The following PPP2R2C variants were observed in gnomAD, a reference collection of about 807,000 sequenced individuals.
PPP2R2C encodes protein phosphatase 2 regulatory subunit Bgamma, also known as protein phosphatase 2, regulatory subunit B, gamma.
Under a neutral mutation model 45.3 loss-of-function variants are expected in PPP2R2C, and 10 were observed. That is an observed-to-expected ratio of 0.22 (90% CI 0.14 to 0.37). The LOEUF is 0.37. Among genes scored for constraint, PPP2R2C ranks in the 10% least tolerant of loss-of-function variants. The probability of loss-of-function intolerance (pLI) is 1.00; values close to 1 mark genes in which losing one functional copy is unlikely to be tolerated. For synonymous variants in PPP2R2C, 257 were observed against 245.4 expected, an observed-to-expected ratio of 1.05 and a Z score of -0.44; for missense variants, 308 against 619.7, an observed-to-expected ratio of 0.50 and a Z score of 5.34.
chr4:6,463,102 A>G (rs1721413987), intron 1 of PPP2R2C, among the ~76,000 whole-genome samples: 1 of 152,248 alleles, frequency 6.6e-6, no homozygotes, highest in Non-Finnish European at 1.5e-5. Context: ...TTGTAAAAAA[A>G]CATTCAGAAG....
chr4:6,534,318 TC>T (rs1214083666), intron 2 of PPP2R2C, among the ~76,000 whole-genome samples: 1 of 125,068 alleles, frequency 8.0e-6, no homozygotes, highest in Non-Finnish European at 1.6e-5. Context: ...CATACACACA[TC>T]AAAAAACACA....
exon 2 of PPP2R2C, chr4:6,535,330 G>C: frequency 6.5e-7 from 1 of 1,535,222 alleles, no homozygotes; most frequent in Non-Finnish European, 8.7e-7. Flanking sequence ...CCTGAGAGAG[G>C]TGACTAACAC....
chr4:6,491,839 G>C (rs991094605), intron 2 of PPP2R2C, among the ~76,000 whole-genome samples: 1 of 152,134 alleles, frequency 6.6e-6, no homozygotes, highest in South Asian at 2.1e-4. Flanking sequence ...AGCTTCCTGA[G>C]GGAAGCTTAC....
At chr4:6,432,534 A>G (rs753501159) in intron 1 of PPP2R2C, among the ~76,000 whole-genome samples, 4 of 152,116 alleles carry the variant, frequency 2.6e-5, no homozygotes, top group Non-Finnish European at 5.9e-5. Flanking sequence ...TCATCTCCCA[A>G]ATCCCAAAGG....
At chr4:6,497,965 G>A (rs1272310243) in intron 2 of PPP2R2C, among the ~76,000 whole-genome samples, 3 of 152,258 alleles carry the variant, frequency 2.0e-5, no homozygotes, top group Non-Finnish European at 4.4e-5. Context: ...GCCTGCGAAT[G>A]TGGAGAGCTG....
At chr4:6,397,585 G>A (rs1294531858) in intron 1 of PPP2R2C, among the ~76,000 whole-genome samples, 1 of 152,196 alleles carries the variant, frequency 6.6e-6, no homozygotes, top group Non-Finnish European at 1.5e-5. Context: ...GGCTAGGGGT[G>A]TGTACCAGGA....
chr4:6,374,897 A>G (rs1715173676), intron 4 of PPP2R2C, among the ~76,000 whole-genome samples: 1 of 152,182 alleles, frequency 6.6e-6, no homozygotes, highest in Non-Finnish European at 1.5e-5. Context: ...AATCGGAAGC[A>G]AACAAGGTGA....
At chr4:6,522,431 C>T (rs150349714) in intron 2 of PPP2R2C, among the ~76,000 whole-genome samples, 3 of 152,244 alleles carry the variant, frequency 2.0e-5, no homozygotes, top group Non-Finnish European at 2.9e-5. Context: ...GCTGGGGACA[C>T]AAGTGAATCC....
At chr4:6,470,617 G>A (rs1000449816) in intron 1 of PPP2R2C, among the ~76,000 whole-genome samples, 2 of 152,174 alleles carry the variant, frequency 1.3e-5, no homozygotes, top group Admixed American at 6.5e-5. Flanking sequence ...GGCCACCGAG[G>A]CACGGGCCAG....
intron 1 of PPP2R2C, among the ~76,000 whole-genome samples, chr4:6,458,220 A>T (rs1234679671): frequency 3.3e-5 from 5 of 152,224 alleles, no homozygotes; most frequent in African/African-American, 4.8e-5. Flanking sequence ...TTTGTGTAAA[A>T]CATCATGCAG....
At chr4:6,356,144 T>G (rs1285980954) in intron 5 of PPP2R2C, among the ~76,000 whole-genome samples, 1 of 152,194 alleles carries the variant, frequency 6.6e-6, no homozygotes, top group African/African-American at 2.4e-5. Context: ...GAGCGAGATC[T>G]TTTTAGGTTG....
chr4:6,486,224 C>T (rs1026105578), intron 2 of PPP2R2C, among the ~76,000 whole-genome samples: 1 of 151,920 alleles, frequency 6.6e-6, no homozygotes, highest in Non-Finnish European at 1.5e-5. Context: ...TAATTTAATT[C>T]TATTATGACA....
intron 1 of PPP2R2C, among the ~76,000 whole-genome samples, chr4:6,458,521 G>A (rs1436412913): frequency 6.6e-6 from 1 of 152,130 alleles, no homozygotes; most frequent in Non-Finnish European, 1.5e-5. Flanking sequence ...CACTCCCAAA[G>A]TCCCCACCTT....
chr4:6,356,062 T>C (rs1020405406), intron 5 of PPP2R2C, among the ~76,000 whole-genome samples: 1 of 148,078 alleles, frequency 6.8e-6, no homozygotes, highest in Non-Finnish European at 1.5e-5. Flanking sequence ...GCGGGTCCAG[T>C]GAAGTCCATC....
At chr4:6,470,953 C>CCGCCCG (rs903613614) in intron 1 of PPP2R2C, among the ~76,000 whole-genome samples, 2 of 151,482 alleles carry the variant, frequency 1.3e-5, no homozygotes, top group East Asian at 1.9e-4. Context: ...CGCCCCGAGC[C>CCGCCCG]CGCCCGCGCC....
chr4:6,548,919 C>T (rs1048364882), intron 1 of PPP2R2C, among the ~76,000 whole-genome samples: 3 of 152,194 alleles, frequency 2.0e-5, no homozygotes, highest in Non-Finnish European at 2.9e-5. Flanking sequence ...TGAACAGTGC[C>T]CGTCCCTTGG....
intron 8 of PPP2R2C, among the ~76,000 whole-genome samples, chr4:6,325,291 AT>A (rs1458662041): frequency 6.6e-6 from 1 of 152,118 alleles, no homozygotes; most frequent in African/African-American, 2.4e-5. Flanking sequence ...GCTTCTTGTT[AT>A]TTACCAGGTA....
intron 1 of PPP2R2C, among the ~76,000 whole-genome samples, chr4:6,550,303 A>C (rs543998131): frequency 6.6e-6 from 1 of 151,720 alleles, no homozygotes; most frequent in Non-Finnish European, 1.5e-5. Context: ...CCAGTTACCA[A>C]GTCTGCCCCC....
At chr4:6,482,439 A>G (rs547949011) in intron 2 of PPP2R2C, among the ~76,000 whole-genome samples, 1 of 152,066 alleles carries the variant, frequency 6.6e-6, no homozygotes, top group Non-Finnish European at 1.5e-5. Flanking sequence ...CTCCTATACT[A>G]CCTCCGAAAG....
Sources: gnomAD v4.1 joint callset for allele counts (sites outside exome capture counted in the v4.1 genomes callset) on GRCh38, gnomAD v4.1.1 for gene constraint, MANE v1.5 for transcripts, NCBI Gene and HGNC (gene_info 2026-07-23, HGNC 2026-07-21) for gene names.